NMT2: variants seen among roughly 807,000 people sequenced by gnomAD.
NMT2 encodes the protein glycylpeptide N-tetradecanoyltransferase 2.
Under a neutral mutation model 65.4 loss-of-function variants are expected in NMT2, and 35 were observed. That is an observed-to-expected ratio of 0.54 (90% CI 0.41 to 0.71). NMT2 has a LOEUF of 0.71. Ranked by LOEUF, NMT2 falls within the 30% of genes least tolerant of loss-of-function variation. NMT2 has a pLI of 0.00. For synonymous variants in NMT2, 226 were observed against 231.8 expected, an observed-to-expected ratio of 0.98 and a Z score of 0.23; for missense variants, 489 against 611.3, an observed-to-expected ratio of 0.80 and a Z score of 2.11.
chr10:15,141,205 G>C lies in NMT2; in HGVS notation c.246+217C>G. On this transcript the variant is annotated intron_variant, in intron 2 of 11. Coordinates refer to ENST00000378165, the MANE Select transcript of NMT2 (RefSeq NM_004808.3). ...ACTGAGAAAAGGGAAAAACACAGCA[G>C]GTATCCACACACACACAAAAGCACA... 4 of 780,032 alleles carry C rather than the reference G, an allele frequency of 5.1e-6. No homozygotes were observed. The Middle Eastern group carries it at 9.2e-4, about 180-fold the overall frequency. 48.3% of individuals were successfully genotyped at this position (780,032 alleles called of 1,614,324 possible).
intron 2 of NMT2, among the ~76,000 whole-genome samples, chr10:15,138,871 G>A (rs1168096063): frequency 1.3e-5 from 2 of 152,154 alleles, no homozygotes; most frequent in Non-Finnish European, 2.9e-5. Flanking sequence ...TACTGTGATG[G>A]TTACTACTGA....
chr10:15,128,718 T>A (rs894736713), intron 7 of NMT2, among the ~76,000 whole-genome samples: 2 of 152,150 alleles, frequency 1.3e-5, no homozygotes, highest in African/African-American at 4.8e-5. Flanking sequence ...AAGGAAATAT[T>A]AGTTGGCTGG....
chr10:15,119,608 T>G (rs1845857006), intron 8 of NMT2, 95 bp from the exon 9 acceptor site: 2 of 1,008,930 alleles, frequency 2.0e-6, no homozygotes, highest in African/African-American at 3.2e-5. Context: ...ACCAGCAGAA[T>G]GAGCAGCACG....
chr10:15,135,837 C>T (rs912884907), intron 2 of NMT2, among the ~76,000 whole-genome samples: 1 of 148,832 alleles, frequency 6.7e-6, no homozygotes, highest in African/African-American at 2.5e-5. Flanking sequence ...AAGGAAAGAA[C>T]TTCTAGAATG....
In NMT2 at chr10:15,128,426, A is replaced by G. The variant is rs765189277; in HGVS notation, c.923T>C (p.Leu308Ser). ...CAAGTGAGAAAATTTCACTTCTACC[A>G]ATTTTCTGGGGTTTAGTGATCGATG... ...YWHRSLNPRK[L>S]VEVKFSHLSR... Residue 308 changes from leucine to serine, a missense_variant, in exon 8 of 12, where the codon TTG becomes TCG. Physicochemically the swap from Leu to Ser is moderately radical, Grantham distance 145. Transcript: ENST00000378165. The G allele has an allele frequency of 6.2e-7, 1 of 1,610,648 alleles. No homozygotes were observed. Among genetic ancestry groups the G allele is most frequent in the South Asian group, 1.1e-5 (1 of 90,980 alleles).
intron 1 of NMT2, chr10:15,155,312 G>T (rs1394549606): frequency 1.6e-6 from 2 of 1,258,460 alleles, no homozygotes; most frequent in Admixed American, 1.7e-5. Flanking sequence ...ACATGGTGGG[G>T]TTGACCATGG....
At chr10:15,126,888 GC>G (rs1846089711) in intron 8 of NMT2, among the ~76,000 whole-genome samples, 1 of 152,192 alleles carries the variant, frequency 6.6e-6, no homozygotes, top group Non-Finnish European at 1.5e-5. Flanking sequence ...ATATAGCCAA[GC>G]CCCAAATAAA....
chr10:15,134,982 T>C (rs942753559), intron 3 of NMT2, among the ~76,000 whole-genome samples: 23 of 152,048 alleles, frequency 1.5e-4, no homozygotes, highest in Admixed American at 1.3e-3. Flanking sequence ...TGAGACCCTA[T>C]CTCAAAAATA....
rs142750448 is a variant in NMT2, at chr10:15,133,147, A to G, written c.511-3T>C. ...AACAACGTGTATAACTCCTTGAGCT[A>G]TAAGATAAAACAAGTGTCCTATCCA... On this transcript the variant is annotated splice_polypyrimidine_tract_variant and splice_region_variant and intron_variant, in intron 4 of 11. Coordinates refer to ENST00000378165, the MANE Select transcript of NMT2 (RefSeq NM_004808.3). 1.9e-3 allele frequency: 3,117 copies of G among 1,611,488 alleles called. 8 individuals are homozygous for G. Among genetic ancestry groups the G allele is most frequent in the South Asian group, 3.9e-3 (353 of 91,020 alleles).
At chr10:15,120,144 A>G (rs1189065500) in intron 8 of NMT2, among the ~76,000 whole-genome samples, 1 of 152,232 alleles carries the variant, frequency 6.6e-6, no homozygotes, top group Admixed American at 6.5e-5. Context: ...TGACCTTATA[A>G]GTAATCCAGA....
intron 1 of NMT2, among the ~76,000 whole-genome samples, chr10:15,145,066 T>TA (rs200283331): frequency 2.0e-5 from 3 of 151,812 alleles, no homozygotes; most frequent in African/African-American, 2.4e-5. Context: ...TATTCAGCAA[T>TA]AAAAAAAACA....
At chr10:15,149,635 G>A (rs915822840) in intron 1 of NMT2, among the ~76,000 whole-genome samples, 10 of 141,180 alleles carry the variant, frequency 7.1e-5, no homozygotes, top group African/African-American at 2.1e-4. Context: ...GCAACACTTC[G>A]CAACACTTAC....
At position 15,108,313 on chromosome 10, in the gene NMT2, A is replaced by C. The variant is rs1845380412; in HGVS notation, c.*882T>G. On this transcript the variant is annotated 3_prime_UTR_variant, in exon 12 of 12. Coordinates refer to ENST00000378165, the MANE Select transcript of NMT2 (RefSeq NM_004808.3). ...GCGATTCTCCTGCCTCAGCCTCCCA[A>C]GCAGCTGGGACTACAGGCACACGCC... is the stretch of plus-strand genomic sequence containing the variant. 1 of 578,480 alleles carries C rather than the reference A, an allele frequency of 1.7e-6. No homozygotes were observed. The highest frequency in any genetic ancestry group is 2.2e-6 in the Non-Finnish European group (1 of 458,526). The allele number at this position is 578,480 out of a possible 1,614,324, so 35.8% of individuals were successfully genotyped here.
intron 8 of NMT2, among the ~76,000 whole-genome samples, chr10:15,121,982 A>G (rs771551689): frequency 6.6e-6 from 1 of 151,962 alleles, no homozygotes; most frequent in East Asian, 1.9e-4. Flanking sequence ...CTCAAAACCA[A>G]TGAGTCAGAA....
chr10:15,156,916 C>T (rs1293370037), intron 1 of NMT2, among the ~76,000 whole-genome samples: 3 of 151,820 alleles, frequency 2.0e-5, no homozygotes, highest in East Asian at 1.9e-4. Flanking sequence ...AAAAAGGTTT[C>T]GCAAAAAGAA....
chr10:15,113,329 G>A lies in NMT2; in HGVS notation c.1171-366C>T, dbSNP rs950576173. On this transcript the variant is annotated intron_variant, in intron 9 of 11. Transcript: ENST00000378165. ...ACTAAAGATATGAAAACTTAGCCAGGTGTGGTGGCGCACACCTGTAATCCC... is the reference window on the plus strand; with the variant it reads ...ACTAAAGATATGAAAACTTAGCCAGATGTGGTGGCGCACACCTGTAATCCC... Among the ~76,000 whole-genome samples, 3 of 151,712 alleles carry A rather than the reference G, an allele frequency of 2.0e-5. No homozygotes were observed. The East Asian group carries it at 5.8e-4, about 29-fold the overall frequency.
chr10:15,147,930 T>C (rs1705935487), intron 1 of NMT2, among the ~76,000 whole-genome samples: 1 of 152,212 alleles, frequency 6.6e-6, no homozygotes. Flanking sequence ...AAAGTGATTA[T>C]AAAAAAATTT....
At chr10:15,142,709 A>G (rs1846819039) in intron 1 of NMT2, among the ~76,000 whole-genome samples, 1 of 152,222 alleles carries the variant, frequency 6.6e-6, no homozygotes, top group Non-Finnish European at 1.5e-5. Context: ...CCTCACAACA[A>G]GCAGTTTATT....
chr10:15,150,726 T>C (rs1176479871), intron 1 of NMT2, among the ~76,000 whole-genome samples: 1 of 152,128 alleles, frequency 6.6e-6, no homozygotes, highest in African/African-American at 2.4e-5. Context: ...GCTACAGCTA[T>C]TGAGGCTACA....
Sources: gnomAD v4.1 joint callset for allele counts (sites outside exome capture counted in the v4.1 genomes callset) on GRCh38, gnomAD v4.1.1 for gene constraint, MANE v1.5 for transcripts, NCBI Gene and HGNC (gene_info 2026-07-23, HGNC 2026-07-21) for gene names.